EXT1: variants seen among roughly 807,000 people sequenced by gnomAD.
EXT1 encodes exostosin glycosyltransferase 1.
A neutral mutation model predicts 82.5 loss-of-function variants in EXT1; 20 were observed. The ratio of observed to expected loss-of-function variants is 0.24; its 90% CI spans 0.17 to 0.35. The LOEUF (loss-of-function observed/expected upper bound fraction) is 0.35. Among genes scored for constraint, EXT1 ranks in the 10% least tolerant of loss-of-function variants. EXT1 has a pLI of 1.00. For synonymous variants in EXT1, 348 were observed against 350.8 expected (o/e 0.99, Z 0.09); for missense variants, 757 against 936.5 (o/e 0.81, Z 2.50).
chr8:117,816,301 C>T (rs1586994939), intron 7 of EXT1, among the ~76,000 whole-genome samples: 1 of 152,040 alleles, frequency 6.6e-6, no homozygotes, highest in African/African-American at 2.4e-5. Flanking sequence ...ATTATGATGC[C>T]TCCCAGAAGA....
chr8:117,865,334 AT>A (rs1398462620), intron 1 of EXT1, among the ~76,000 whole-genome samples: 1 of 152,104 alleles, frequency 6.6e-6, no homozygotes, highest in African/African-American at 2.4e-5. Flanking sequence ...AATCTGCCTA[AT>A]TTTTTAAAGG....
At chr8:118,007,759 G>A (rs1029853680) in intron 1 of EXT1, among the ~76,000 whole-genome samples, 3 of 152,124 alleles carry the variant, frequency 2.0e-5, no homozygotes, top group East Asian at 1.9e-4. Flanking sequence ...AAAGGAACAG[G>A]GAGATGACAC....
intron 1 of EXT1, among the ~76,000 whole-genome samples, chr8:117,860,146 CAAAAAA>C (rs34399339): frequency 1.3e-5 from 1 of 76,896 alleles, no homozygotes; most frequent in South Asian, 5.4e-4. Flanking sequence ...GATTCTATCT[CAAAAAA>C]AAAAAAAAAA....
chr8:118,055,440 G>A (rs1816780188), intron 1 of EXT1, among the ~76,000 whole-genome samples: 1 of 152,194 alleles, frequency 6.6e-6, no homozygotes, highest in South Asian at 2.1e-4. Flanking sequence ...AAGCTGCTGT[G>A]AACACGTGTA....
rs529355317 is a variant in EXT1 at position 117,858,345 on chromosome 8, A to G, written c.963-21144T>C. Among the ~76,000 whole-genome samples the G allele has an allele frequency of 3.3e-5, 5 of 152,228 alleles. No homozygotes were observed. The South Asian group carries it at 6.2e-4, about 19-fold the overall frequency. Reference sequence around the variant, plus strand: ...AAGTCTCTCATGAAAGGAAGAGTCAATCGTTGCGGCAAACTCCACTGTTGT... The same window carrying G: ...AAGTCTCTCATGAAAGGAAGAGTCAGTCGTTGCGGCAAACTCCACTGTTGT... On this transcript the variant is annotated intron_variant, in intron 1 of 10. Coordinates refer to ENST00000378204, the MANE Select transcript of EXT1 (RefSeq NM_000127.3).
At chr8:117,860,783 G>A (rs1014872737) in intron 1 of EXT1, among the ~76,000 whole-genome samples, 5 of 152,272 alleles carry the variant, frequency 3.3e-5, no homozygotes, top group Admixed American at 2.0e-4. Flanking sequence ...ACTCCCTCAC[G>A]GCAAATTAGC....
At chr8:117,894,467 C>A (rs184330628) in intron 1 of EXT1, among the ~76,000 whole-genome samples, 19 of 152,250 alleles carry the variant, frequency 1.2e-4, no homozygotes, top group African/African-American at 3.4e-4. Context: ...TACTTCACAA[C>A]GCTGTTATAA....
chr8:117,845,247 A>G (rs1193137218), intron 1 of EXT1, among the ~76,000 whole-genome samples: 1 of 152,148 alleles, frequency 6.6e-6, no homozygotes, highest in African/African-American at 2.4e-5. Flanking sequence ...ACCACTGGGG[A>G]CGTGGGGAAA....
At chr8:117,990,244 C>T (rs947394095) in intron 1 of EXT1, among the ~76,000 whole-genome samples, 1 of 152,182 alleles carries the variant, frequency 6.6e-6, no homozygotes, top group African/African-American at 2.4e-5. Flanking sequence ...GTTATCTCTT[C>T]CTGCCCTTGA....
chr8:117,995,486 G>A (rs1815518871), intron 1 of EXT1, among the ~76,000 whole-genome samples: 1 of 152,128 alleles, frequency 6.6e-6, no homozygotes, highest in African/African-American at 2.4e-5. Flanking sequence ...TGGCGTGGGT[G>A]GGGACACACA....
chr8:117,808,140 G>A (rs771866837), intron 8 of EXT1, among the ~76,000 whole-genome samples: 9 of 152,304 alleles, frequency 5.9e-5, no homozygotes, highest in Non-Finnish European at 1.0e-4. Context: ...GTTAGCAAGT[G>A]ATCTGTTTTC....
At chr8:118,039,769 C>A (rs1816494877) in intron 1 of EXT1, among the ~76,000 whole-genome samples, 1 of 152,058 alleles carries the variant, frequency 6.6e-6, no homozygotes, top group African/African-American at 2.4e-5. Flanking sequence ...TAAAAAATCC[C>A]TTCCAGTTGA....
In EXT1 at chr8:117,796,554, G is replaced by C. The variant is rs1823091625; in HGVS notation, c.*3158C>G. On this transcript the variant is annotated 3_prime_UTR_variant, in exon 11 of 11. Coordinates refer to ENST00000378204, the MANE Select transcript of EXT1 (RefSeq NM_000127.3). ...ATGAAAACCAAAAGTCATTCTAAAAGGGAAATTGAAGGATGCAACCGGATT... is the reference window on the plus strand; with the variant it reads ...ATGAAAACCAAAAGTCATTCTAAAACGGAAATTGAAGGATGCAACCGGATT... 6.6e-6 allele frequency: 1 copy of C among 152,054 alleles called. No individual in the cohort carries two copies. 9.4% of individuals were successfully genotyped at this position (152,054 alleles called of 1,614,324 possible). A position where few individuals can be genotyped will look rare whatever the true frequency, so the allele number is the denominator to read the frequency against.
intron 1 of EXT1, among the ~76,000 whole-genome samples, chr8:118,005,699 A>G (rs1815760195): frequency 6.6e-6 from 1 of 152,234 alleles, no homozygotes; most frequent in Non-Finnish European, 1.5e-5. Flanking sequence ...AGTGTCTTTT[A>G]TGATAATTGG....
rs752594306 is a variant in EXT1, at chr8:117,812,917, G to A, written c.1677C>T (p.Asp559=). 1.4e-5 allele frequency: 22 copies of A among 1,613,972 alleles called. No homozygotes were observed. Among genetic ancestry groups the A allele is most frequent in the African/African-American group, 4.0e-5 (3 of 74,908 alleles). The change falls in exon 8 of 11, where the codon GAC becomes GAT. Residue 559 remains aspartate, a synonymous_variant. Transcript: ENST00000378204. ...TGTCCTCGTCAAGGCTGAGCACGGC[G>A]TCTGTGATGATGTTGTCGTAGGGCA... ...RFLPYDNIIT[D]AVLSLDEDTV...
intron 1 of EXT1, among the ~76,000 whole-genome samples, chr8:118,058,988 T>C (rs1238929066): frequency 6.6e-6 from 1 of 152,150 alleles, no homozygotes; most frequent in Non-Finnish European, 1.5e-5. Context: ...GTACCTCCCT[T>C]TTCTCCACCC....
intron 2 of EXT1, 127 bp from the exon 3 acceptor site, chr8:117,835,678 G>T: frequency 1.4e-6 from 1 of 728,486 alleles, no homozygotes; most frequent in Middle Eastern, 3.5e-4. Context: ...GGACTGCCTA[G>T]GCCAGAAGGA....
intron 1 of EXT1, among the ~76,000 whole-genome samples, chr8:118,018,421 A>G (rs1456961326): frequency 6.6e-6 from 1 of 152,198 alleles, no homozygotes; most frequent in Non-Finnish European, 1.5e-5. Flanking sequence ...GAAAATCCCC[A>G]GAAGCTAGGC....
At chr8:117,954,738 G>T (rs1052830244) in intron 1 of EXT1, among the ~76,000 whole-genome samples, 3 of 152,016 alleles carry the variant, frequency 2.0e-5, no homozygotes, top group South Asian at 2.1e-4. Flanking sequence ...ACTCATATGT[G>T]GGGGGGACCT....
Sources: allele counts gnomAD v4.1 joint callset (sites outside exome capture counted in the v4.1 genomes callset), GRCh38; gene constraint gnomAD v4.1.1; transcripts MANE v1.5; gene names NCBI Gene and HGNC (gene_info 2026-07-23, HGNC 2026-07-21).